The following LUZP4 variants were observed in gnomAD, a reference collection of about 807,000 sequenced individuals.
LUZP4 encodes the protein HOM-TES-85 tumor antigen.
LUZP4 carries 11 observed loss-of-function variants against 8.5 expected under a neutral mutation model. The ratio of observed to expected loss-of-function variants is 1.30; its 90% CI spans 0.82 to 2.14. LUZP4 has a LOEUF of 2.14. Among genes scored for constraint, LUZP4 ranks in the 30% most tolerant of loss-of-function variants. LUZP4 has a pLI of 0.00. For missense variants in LUZP4, 276 were observed against 229.7 expected, an observed-to-expected ratio of 1.20 and a Z score of -1.30; for synonymous variants, 104 against 79.4, an observed-to-expected ratio of 1.31 and a Z score of -1.65.
chrX:115,300,762 C>G (rs1556601161), intron 1 of LUZP4, among the ~76,000 whole-genome samples: 5 of 97,860 alleles, frequency 5.1e-5, no homozygotes, highest in Non-Finnish European at 1.0e-4. Flanking sequence ...CCCAGAGATG[C>G]TCTTGGCACC....
At chrX:115,305,074 T>A (rs1445118344) in intron 3 of LUZP4, among the ~76,000 whole-genome samples, 2 of 111,827 alleles carry the variant, frequency 1.8e-5, no homozygotes, top group Non-Finnish European at 3.8e-5. Context: ...ACATAGTACA[T>A]TTCTTATATA....
rs966595667 is a variant in LUZP4 at position 115,306,531 on chromosome X, G to C, written c.669G>C (p.Glu223Asp). The change falls in exon 4 of 4, where the codon GAG (glutamate) becomes GAC (aspartate). Residue 223 changes from glutamate (E) to aspartate (D), a missense_variant. Physicochemically the swap from Glu to Asp is conservative, Grantham distance 45 (BLOSUM62 2). Transcript: ENST00000371920. ...GHSERSHGHSERSHGHSKRSR... is the reference protein window; with the variant it reads ...GHSERSHGHSDRSHGHSKRSR... ...CAGAGAGATCTCATGGTCACTCAGAGAGATCTCATGGTCACTCAAAGAGAT... is the reference window on the plus strand; with the variant it reads ...CAGAGAGATCTCATGGTCACTCAGACAGATCTCATGGTCACTCAAAGAGAT... The C allele has an allele frequency of 3.3e-6, 4 of 1,207,743 alleles. No individual in the cohort carries two copies. The highest frequency in any genetic ancestry group is 2.2e-6 in the Non-Finnish European group (2 of 894,962).
intron 3 of LUZP4, among the ~76,000 whole-genome samples, chrX:115,305,653 G>A (rs191443093): frequency 4.4e-4 from 50 of 112,551 alleles, no homozygotes; most frequent in Non-Finnish European, 7.5e-4. Context: ...CTGTGTTGTT[G>A]CCAGGCTAAT....
chrX:115,298,959 T>G (rs2073383165), intron 1 of LUZP4, among the ~76,000 whole-genome samples: 2 of 111,271 alleles, frequency 1.8e-5, no homozygotes, highest in Admixed American at 9.6e-5. Context: ...GCTTTCCAGA[T>G]ATTTGAAAGG....
At chrX:115,299,316 G>T (rs1007289642) in intron 1 of LUZP4, among the ~76,000 whole-genome samples, 1 of 110,254 alleles carries the variant, frequency 9.1e-6, no homozygotes. Flanking sequence ...CTTGCTCAAG[G>T]CCCTGAATCT....
intron 3 of LUZP4, among the ~76,000 whole-genome samples, chrX:115,305,706 C>T (rs1168471475): frequency 8.9e-6 from 1 of 112,504 alleles, no homozygotes; most frequent in Non-Finnish European, 1.9e-5. Context: ...TTTTTTACAA[C>T]TTCCTTTCCC....
At chrX:115,293,546 A>T (rs2073357518) in intron 1 of LUZP4, among the ~76,000 whole-genome samples, 1 of 111,459 alleles carries the variant, frequency 9.0e-6, no homozygotes, top group African/African-American at 3.3e-5. Context: ...CCAAAGTGCT[A>T]GGATTACAGG....
intron 1 of LUZP4, among the ~76,000 whole-genome samples, chrX:115,290,184 C>T (rs2073342454): frequency 9.0e-6 from 1 of 111,616 alleles, no homozygotes; most frequent in African/African-American, 3.3e-5. Context: ...TTTTACTCTC[C>T]TAAGAATTGA....
chrX:115,294,207 C>T (rs1426511113), intron 1 of LUZP4, among the ~76,000 whole-genome samples: 1 of 111,544 alleles, frequency 9.0e-6, no homozygotes, highest in East Asian at 2.8e-4. Flanking sequence ...TTTGCAACTG[C>T]TAACAGAAAA....
rs1404549404 is a variant in LUZP4 at position 115,306,658 on chromosome X, C to T, written c.796C>T (p.Leu266Phe). 5 of 1,208,798 alleles carry T rather than the reference C, an allele frequency of 4.1e-6. No homozygotes were observed. The highest frequency in any genetic ancestry group is 5.6e-6 in the Non-Finnish European group (5 of 895,057). Residue 266 changes from leucine to phenylalanine, a missense_variant, in exon 4 of 4, where the codon CTC (leucine) becomes TTC (phenylalanine). Transcript: ENST00000371920. The stretch of plus-strand genomic sequence containing the variant: ...AGATCTCATAGCCACTCAGAGAGAT[C>T]TCATAGCCACTCAGAGAGATCTCAT... ...QKDLIATQRD[L>F]IATQRDLIVT...
chrX:115,296,226 T>C (rs1425780661), intron 1 of LUZP4, among the ~76,000 whole-genome samples: 3 of 112,339 alleles, frequency 2.7e-5, no homozygotes, highest in African/African-American at 3.2e-5. Flanking sequence ...AAATTAATTA[T>C]GCAATTTAAA....
intron 1 of LUZP4, among the ~76,000 whole-genome samples, chrX:115,295,268 G>A (rs2073365920): frequency 1.8e-5 from 2 of 110,885 alleles, no homozygotes; most frequent in Non-Finnish European, 3.8e-5. Flanking sequence ...TGGTAGAGAC[G>A]GAGTTTCGCC....
intron 1 of LUZP4, among the ~76,000 whole-genome samples, chrX:115,294,900 T>G (rs1387594732): frequency 9.0e-6 from 1 of 111,490 alleles, no homozygotes; most frequent in Non-Finnish European, 1.9e-5. Flanking sequence ...TAAAAAATCT[T>G]GAGGTCACTG....
In LUZP4 at chrX:115,297,154, C is replaced by T. The variant is rs1226329280; in HGVS notation, c.92-4838C>T. Among the ~76,000 whole-genome samples the T allele has an allele frequency of 3.6e-5, 4 of 111,362 alleles. No homozygotes were observed. In the East Asian group the frequency reaches 1.1e-3, roughly 31 times the overall value. On this transcript the variant is annotated intron_variant, in intron 1 of 3. Transcript: ENST00000371920. ...TATAGTTATTATTGACTATAGTCAC[C>T]CTGTTGTGCTATCAAATAGTAGGTC... is the stretch of plus-strand genomic sequence containing the variant.
Position 115,306,578 on chromosome X carries a change from T to A in LUZP4, c.716T>A (p.Val239Glu), listed in dbSNP as rs1556604180. ...SKRSRSQGDL[V>E]DTQSDLIATQ... is the part of the protein sequence containing the mutation. ...AGATCTCGTAGCCAGGGAGATCTTG[T>A]GGACACTCAGAGTGATCTCATAGCC... is the stretch of plus-strand genomic sequence containing the variant. The change falls in exon 4 of 4, where the codon GTG (valine) becomes GAG (glutamate). Residue 239 changes from valine to glutamate, a missense_variant. Transcript: ENST00000371920. 8.3e-7 allele frequency: 1 copy of A among 1,206,289 alleles called. No individual in the cohort carries two copies. The highest frequency in any genetic ancestry group is 2.2e-5 in the Admixed American group (1 of 45,385).
chrX:115,291,981 G>A (rs895444652), intron 1 of LUZP4, among the ~76,000 whole-genome samples: 1 of 110,907 alleles, frequency 9.0e-6, no homozygotes, highest in African/African-American at 3.3e-5. Context: ...TGTAATCCCA[G>A]GAGGCAGAGG....
chrX:115,306,740 G>GATCTC lies in LUZP4; in HGVS notation c.881_885dup (p.Gly296LeufsTer18), dbSNP rs782369982. On this transcript the variant is annotated frameshift_variant, in exon 4 of 4. Transcript: ENST00000371920. LOFTEE classifies it low-confidence loss of function (END_TRUNC). ...AGAGATCTCATAAATCAGTCAGGGA[G>GATCTC]ATCTCATGGCCAATCAGAAAGACAT... is the stretch of plus-strand genomic sequence containing the variant. The GATCTC allele has an allele frequency of 1.4e-4, 164 of 1,207,253 alleles. No individual in the cohort carries two copies. The highest frequency in any genetic ancestry group is 7.2e-4 in the Admixed American group (33 of 45,641).
Position 115,306,768 on chromosome X carries a change from G to C in LUZP4, c.906G>C (p.Gln302His). ...CTCATGGCCAATCAGAAAGACATCA[G>C]AGATACTCAACAGGTAAAAATACAA... ...GRSHGQSERH[Q>H]RYSTGKNTIT... The change falls in exon 4 of 4, where the codon CAG becomes CAC. Residue 302 changes from glutamine to histidine, a missense_variant. Coordinates refer to ENST00000371920, the MANE Select transcript of LUZP4 (RefSeq NM_016383.5). 1.7e-6 allele frequency: 2 copies of C among 1,208,185 alleles called. No homozygotes were observed. The highest frequency in any genetic ancestry group is 2.2e-6 in the Non-Finnish European group (2 of 892,417).
chrX:115,298,979 T>C (rs1397934946), intron 1 of LUZP4, among the ~76,000 whole-genome samples: 1 of 111,559 alleles, frequency 9.0e-6, no homozygotes, highest in African/African-American at 3.3e-5. Context: ...GACTGCAGTG[T>C]TGTGATCTAA....
Sources: allele counts gnomAD v4.1 joint callset (sites outside exome capture counted in the v4.1 genomes callset), GRCh38; gene constraint gnomAD v4.1.1; transcripts MANE v1.5; gene names NCBI Gene and HGNC (gene_info 2026-07-23, HGNC 2026-07-21).